Variants in FGF12 observed in about 807,000 individuals in gnomAD.
FGF12 encodes fibroblast growth factor 12B.
In FGF12, 14 loss-of-function variants were observed where a neutral mutation model predicts 23.6. The ratio of observed to expected loss-of-function variants is 0.59; its 90% CI spans 0.39 to 0.93. The LOEUF (loss-of-function observed/expected upper bound fraction) is 0.93, where lower values mean the gene tolerates loss of function less well. Among genes scored for constraint, FGF12 ranks in the 40% least tolerant of loss-of-function variants. The pLI is 0.00. For missense variants in FGF12, 175 were observed against 217.8 expected (o/e 0.80, Z 1.24); for synonymous variants, 62 against 77.3 (o/e 0.80, Z 1.04).
chr3:192,672,154 TATGTGTTTC>T (rs1717147658), intron 2 of FGF12, among the ~76,000 whole-genome samples: 1 of 138,674 alleles, frequency 7.2e-6, no homozygotes, highest in Non-Finnish European at 1.7e-5. Context: ...ACAGAGGCTT[TATGTGTTTC>T]ATAGAATCTC....
intron 2 of FGF12, among the ~76,000 whole-genome samples, chr3:192,463,863 G>C (rs1486145724): frequency 6.6e-6 from 1 of 152,080 alleles, no homozygotes; most frequent in Non-Finnish European, 1.5e-5. Flanking sequence ...TAAGAACAAA[G>C]CTACCTGCAA....
intron 4 of FGF12, among the ~76,000 whole-genome samples, chr3:192,298,718 T>A (rs1715178171): frequency 6.6e-6 from 1 of 152,114 alleles, no homozygotes; most frequent in African/African-American, 2.4e-5. Context: ...CACTCCAGCC[T>A]GGGTGACAAG....
chr3:192,691,868 T>C (rs906081658), intron 2 of FGF12, among the ~76,000 whole-genome samples: 1 of 148,844 alleles, frequency 6.7e-6, no homozygotes, highest in East Asian at 2.4e-4. Context: ...AAAAAGGACA[T>C]GAAGGACTAT....
intron 4 of FGF12, among the ~76,000 whole-genome samples, chr3:192,279,852 C>T (rs1296074761): frequency 3.9e-5 from 6 of 152,140 alleles, no homozygotes; most frequent in Non-Finnish European, 8.8e-5. Flanking sequence ...TCCAGGGTCC[C>T]TTCCAGATTT....
intron 2 of FGF12, among the ~76,000 whole-genome samples, chr3:192,636,299 A>T (rs992277848): frequency 3.3e-5 from 5 of 152,220 alleles, no homozygotes; most frequent in African/African-American, 1.2e-4. Context: ...GAAATTAAAT[A>T]AAAGTTGAAA....
At chr3:192,470,453 A>G (rs1262530828) in intron 2 of FGF12, among the ~76,000 whole-genome samples, 2 of 152,188 alleles carry the variant, frequency 1.3e-5, no homozygotes, top group Non-Finnish European at 2.9e-5. Flanking sequence ...CAATGGCACA[A>G]TCTTGGCTCA....
At chr3:192,649,056 C>A (rs1016184149) in intron 2 of FGF12, among the ~76,000 whole-genome samples, 1 of 152,174 alleles carries the variant, frequency 6.6e-6, no homozygotes, top group East Asian at 1.9e-4. Context: ...AAAATCAGCA[C>A]AAGCAGGGTG....
intron 4 of FGF12, among the ~76,000 whole-genome samples, chr3:192,302,352 G>A (rs1424924820): frequency 1.3e-5 from 2 of 152,200 alleles, no homozygotes; most frequent in African/African-American, 2.4e-5. Flanking sequence ...ATTGGAGGCA[G>A]TTAATATATT....
chr3:192,605,165 T>C (rs997908851), intron 2 of FGF12, among the ~76,000 whole-genome samples: 3 of 152,028 alleles, frequency 2.0e-5, no homozygotes, highest in African/African-American at 7.2e-5. Flanking sequence ...GATCATCAGG[T>C]CAGGAGATCG....
intron 3 of FGF12, among the ~76,000 whole-genome samples, chr3:192,338,606 CA>C (rs976180724): frequency 6.6e-6 from 1 of 151,868 alleles, no homozygotes; most frequent in African/African-American, 2.4e-5. Flanking sequence ...CATCTCAAAC[CA>C]AAAAAACAAG....
Position 192,636,530 on chromosome 3 carries a change from T to G in FGF12, c.13+90651A>C, listed in dbSNP as rs577916776. Among the ~76,000 whole-genome samples the G allele has an allele frequency of 3.3e-5, 5 of 152,248 alleles. No individual in the cohort carries two copies. In the South Asian group the frequency reaches 6.2e-4, roughly 19 times the overall value. On this transcript the variant is annotated intron_variant, in intron 2 of 5. Coordinates refer to ENST00000445105, the MANE Select transcript of FGF12 (RefSeq NM_004113.6). ...TTCATAAATCTCTTCCAAGGTGTCA[T>G]GCTACATCTTTACTTCTTTTCTCCT...
At chr3:192,465,235 C>A (rs1335198074) in intron 2 of FGF12, among the ~76,000 whole-genome samples, 2 of 152,098 alleles carry the variant, frequency 1.3e-5, no homozygotes, top group Non-Finnish European at 2.9e-5. Flanking sequence ...ATGTTTGAGT[C>A]CACTGAAGAC....
At chr3:192,206,167 G>A (rs1044619925) in intron 4 of FGF12, among the ~76,000 whole-genome samples, 17 of 152,116 alleles carry the variant, frequency 1.1e-4, no homozygotes, top group African/African-American at 4.1e-4. Context: ...CCTTTATAAG[G>A]AGATCTCTGC....
chr3:192,323,950 G>A (rs566782165), intron 4 of FGF12, among the ~76,000 whole-genome samples: 18 of 152,052 alleles, frequency 1.2e-4, no homozygotes, highest in African/African-American at 3.9e-4. Context: ...AAATTGGCTG[G>A]GTGTGGTGGT....
intron 2 of FGF12, among the ~76,000 whole-genome samples, chr3:192,394,057 T>G (rs1167922367): frequency 6.6e-6 from 1 of 152,210 alleles, no homozygotes; most frequent in Non-Finnish European, 1.5e-5. Context: ...CAGTATGACA[T>G]TACACATTAA....
intron 2 of FGF12, among the ~76,000 whole-genome samples, chr3:192,696,403 C>T (rs1718125717): frequency 6.6e-6 from 1 of 152,156 alleles, no homozygotes; most frequent in African/African-American, 2.4e-5. Flanking sequence ...TGTGTTTGCA[C>T]TTCTAGAATC....
chr3:192,405,272 T>C (rs1349431257), intron 2 of FGF12, among the ~76,000 whole-genome samples: 1 of 151,230 alleles, frequency 6.6e-6, no homozygotes, highest in Non-Finnish European at 1.5e-5. Flanking sequence ...TTTGCCATGA[T>C]AATTTCAGGA....
At chr3:192,700,770 C>T (rs1008719285) in intron 2 of FGF12, among the ~76,000 whole-genome samples, 3 of 152,156 alleles carry the variant, frequency 2.0e-5, no homozygotes, top group Non-Finnish European at 2.9e-5. Flanking sequence ...TTATACATTG[C>T]TCCTTTGGAA....
At chr3:192,690,135 C>T (rs1717895763) in intron 2 of FGF12, among the ~76,000 whole-genome samples, 1 of 151,898 alleles carries the variant, frequency 6.6e-6, no homozygotes, top group Admixed American at 6.6e-5. Flanking sequence ...ACTGGAATTG[C>T]TTTATAAGAA....
Sources: allele counts gnomAD v4.1 joint callset (sites outside exome capture counted in the v4.1 genomes callset), GRCh38; gene constraint gnomAD v4.1.1; transcripts MANE v1.5; gene names NCBI Gene and HGNC (gene_info 2026-07-23, HGNC 2026-07-21).